Variants in KIAA1217 observed in about 807,000 individuals in gnomAD.
KIAA1217 encodes the protein sickle tail protein homolog.
Under a neutral mutation model 163.9 loss-of-function variants are expected in KIAA1217, and 88 were observed. The ratio of observed to expected loss-of-function variants is 0.54; its 90% CI spans 0.45 to 0.64. The LOEUF (loss-of-function observed/expected upper bound fraction) is 0.64, where lower values mean the gene tolerates loss of function less well. KIAA1217 is among the 30% of genes least tolerant of loss of function. KIAA1217 has a pLI of 0.00. For synonymous variants in KIAA1217, 903 were observed against 923.1 expected, an observed-to-expected ratio of 0.98 and a Z score of 0.39; for missense variants, 2,372 against 2,475.0, an observed-to-expected ratio of 0.96 and a Z score of 0.88.
chr10:24,252,548 A>G (rs1030889650), intron 2 of KIAA1217, among the ~76,000 whole-genome samples: 5 of 152,224 alleles, frequency 3.3e-5, no homozygotes, highest in African/African-American at 1.2e-4. Context: ...CCACTGTGCC[A>G]CAAGCTGGGC....
chr10:24,489,214 C>T (rs2065789007), intron 6 of KIAA1217, among the ~76,000 whole-genome samples: 1 of 151,868 alleles, frequency 6.6e-6, no homozygotes, highest in Non-Finnish European at 1.5e-5. Flanking sequence ...TGTACTCCAG[C>T]CTGGGAACAG....
intron 1 of KIAA1217, among the ~76,000 whole-genome samples, chr10:23,725,432 G>T (rs1011782328): frequency 1.3e-5 from 2 of 152,196 alleles, no homozygotes; most frequent in Admixed American, 1.3e-4. Flanking sequence ...CATGACCTAT[G>T]TCTTGAATTA....
At chr10:23,857,618 G>A (rs1173127409) in intron 1 of KIAA1217, among the ~76,000 whole-genome samples, 1 of 152,138 alleles carries the variant, frequency 6.6e-6, no homozygotes, top group African/African-American at 2.4e-5. Context: ...CGGGGCCCAG[G>A]AATTTGCATT....
chr10:24,256,083 TCA>T (rs1246888757), intron 2 of KIAA1217, among the ~76,000 whole-genome samples: 1 of 138,828 alleles, frequency 7.2e-6, no homozygotes, highest in African/African-American at 2.6e-5. Flanking sequence ...GCTTTTCCCC[TCA>T]CTTCTCCCTC....
chr10:24,138,071 G>T (rs116670864), intron 2 of KIAA1217, among the ~76,000 whole-genome samples: 5 of 152,172 alleles, frequency 3.3e-5, no homozygotes, highest in African/African-American at 7.2e-5. Flanking sequence ...AGTAGCATAA[G>T]GTTCTTTCCA....
At chr10:24,425,390 A>G (rs1488038226) in intron 3 of KIAA1217, among the ~76,000 whole-genome samples, 1 of 152,170 alleles carries the variant, frequency 6.6e-6, no homozygotes, top group Non-Finnish European at 1.5e-5. Flanking sequence ...TCTGTTTCAA[A>G]TGTTGTTATT....
At position 24,326,429 on chromosome 10, in the gene KIAA1217, A is replaced by T. The variant is rs184755495; in HGVS notation, c.355-54440A>T. Reference sequence around the variant, plus strand: ...GCAAAATACTTTGGTTTAGCTCATGAAACATAAATATTTGTGGTAGCCTAG... The same window carrying T: ...GCAAAATACTTTGGTTTAGCTCATGTAACATAAATATTTGTGGTAGCCTAG... On this transcript the variant is annotated intron_variant, in intron 2 of 20. Transcript: ENST00000376454. 2.2e-3 allele frequency among the ~76,000 whole-genome samples: 339 copies of T among 152,326 alleles called. 4 individuals carry two copies. The highest frequency in any genetic ancestry group is 7.8e-3 in the African/African-American group (324 of 41,590).
chr10:23,960,650 C>T (rs1564567442), intron 1 of KIAA1217, among the ~76,000 whole-genome samples: 1 of 152,218 alleles, frequency 6.6e-6, no homozygotes, highest in Non-Finnish European at 1.5e-5. Flanking sequence ...TGTAATATTT[C>T]TGCTTCTTCT....
chr10:24,207,282 T>TCTCACACACACACA (rs529791287), upstream of KIAA1217, among the ~76,000 whole-genome samples: 335 of 140,224 alleles, frequency 2.4e-3, 3 homozygotes, highest in African/African-American at 9.1e-3. Flanking sequence ...TCTCTCTCTC[T>TCTCACACACACACA]CACACACACA....
intron 1 of KIAA1217, among the ~76,000 whole-genome samples, chr10:24,004,638 T>C (rs1846907847): frequency 6.6e-6 from 1 of 152,226 alleles, no homozygotes; most frequent in African/African-American, 2.4e-5. Context: ...GACCAGCAAA[T>C]AACTCAAGGT....
At chr10:23,888,136 TGTCTTAACATAGGACGTCCA>T (rs1841261818) in intron 1 of KIAA1217, among the ~76,000 whole-genome samples, 1 of 151,962 alleles carries the variant, frequency 6.6e-6, no homozygotes, top group African/African-American at 2.4e-5. Context: ...CATTTCCACT[TGTCTTAACATAGGACGTCCA>T]GGCCATGTGC....
At chr10:23,982,310 G>T (rs1845799865) in intron 1 of KIAA1217, among the ~76,000 whole-genome samples, 1 of 152,066 alleles carries the variant, frequency 6.6e-6, no homozygotes, top group African/African-American at 2.4e-5. Context: ...ATCAGCATTA[G>T]CACCCAGTTT....
At chr10:24,076,468 T>C (rs2061371288) in intron 2 of KIAA1217, among the ~76,000 whole-genome samples, 1 of 152,230 alleles carries the variant, frequency 6.6e-6, no homozygotes, top group Admixed American at 6.5e-5. Context: ...TCCTTTTGTT[T>C]CTGGCATGTA....
intron 6 of KIAA1217, among the ~76,000 whole-genome samples, chr10:24,484,239 A>ATTTTTTTTTTT (rs1554896420): frequency 1.0e-4 from 9 of 86,198 alleles, no homozygotes; most frequent in East Asian, 3.7e-4. Context: ...ATATATATAT[A>ATTTTTTTTTTT]TATTTTTTTT....
chr10:24,219,599 T>G lies in KIAA1217; in HGVS notation c.71-27T>G, dbSNP rs199873865. On this transcript the variant is annotated intron_variant, in intron 1 of 20. Transcript: ENST00000376454. ...AGACTTCTAGTGTGAAATCATTAAT[T>G]GTGAACCGAATTTTTTTGTCTTTCA... The G allele has an allele frequency of 1.8e-4, 271 of 1,547,476 alleles. 2 individuals are homozygous for G. In the Middle Eastern group the frequency reaches 2.1e-3, roughly 12 times the overall value.
At chr10:24,024,244 A>C (rs140339759) in intron 2 of KIAA1217, among the ~76,000 whole-genome samples, 2 of 151,752 alleles carry the variant, frequency 1.3e-5, no homozygotes, top group Admixed American at 1.3e-4. Context: ...CATAATGATG[A>C]TATAAAGCAT....
At chr10:24,373,879 A>G (rs2052065216) in intron 2 of KIAA1217, among the ~76,000 whole-genome samples, 2 of 152,168 alleles carry the variant, frequency 1.3e-5, no homozygotes, top group South Asian at 4.1e-4. Context: ...GGTAATGGGT[A>G]TCACTGCCCT....
At chr10:24,249,920 A>G (rs2074278334) in intron 2 of KIAA1217, among the ~76,000 whole-genome samples, 1 of 152,126 alleles carries the variant, frequency 6.6e-6, no homozygotes, top group Non-Finnish European at 1.5e-5. Flanking sequence ...TATGGGTTGG[A>G]TTTCCAAACA....
chr10:24,112,663 C>A (rs750025225), intron 2 of KIAA1217, among the ~76,000 whole-genome samples: 6 of 152,038 alleles, frequency 3.9e-5, no homozygotes, highest in Non-Finnish European at 8.8e-5. Context: ...CGGCTCACTG[C>A]AAGCTCCACC....
Sources: gnomAD v4.1 joint callset for allele counts (sites outside exome capture counted in the v4.1 genomes callset) on GRCh38, gnomAD v4.1.1 for gene constraint, MANE v1.5 for transcripts, NCBI Gene and HGNC (gene_info 2026-07-23, HGNC 2026-07-21) for gene names.